Variants in INPP5A observed in about 807,000 individuals in gnomAD.
INPP5A encodes the protein 43 kDa inositol polyphosphate 5-phophatase.
A neutral mutation model predicts 65.2 loss-of-function variants in INPP5A; 14 were observed. The ratio of observed to expected loss-of-function variants is 0.21; its 90% CI spans 0.14 to 0.34. The LOEUF (loss-of-function observed/expected upper bound fraction) is 0.34. INPP5A is among the 10% of genes least tolerant of loss of function. The pLI is 1.00. For synonymous variants in INPP5A, 207 were observed against 208.3 expected (o/e 0.99, Z 0.05); for missense variants, 431 against 545.6 (o/e 0.79, Z 2.09).
At chr10:132,596,933 A>ATGTGTG (rs1564929008) in intron 1 of INPP5A, among the ~76,000 whole-genome samples, 18 of 6,792 alleles carry the variant, frequency 2.7e-3, no homozygotes, top group African/African-American at 3.7e-3. Flanking sequence ...GCGCATGTGC[A>ATGTGTG]CGCATGTGTG....
Position 132,718,809 on chromosome 10 carries a change from G to A in INPP5A, c.648-8012G>A, listed in dbSNP as rs1468421204. ...CGGTTCTGTCTGGGCACCTTAGACAGCTGTCTTGCGGGTTCTGTGGTACCT... is the reference window on the plus strand; with the variant it reads ...CGGTTCTGTCTGGGCACCTTAGACAACTGTCTTGCGGGTTCTGTGGTACCT... On this transcript the variant is annotated intron_variant, in intron 8 of 15. Transcript: ENST00000368594. Among the ~76,000 whole-genome samples the A allele has an allele frequency of 2.1e-5, 3 of 144,230 alleles. 1 individual carries two copies. The highest frequency in any genetic ancestry group is 2.3e-4 in the South Asian group (1 of 4,372). The allele number at this position is 144,230 out of a possible 152,430, so 94.6% of individuals were successfully genotyped here.
At chr10:132,645,412 C>T (rs369391246) in intron 2 of INPP5A, among the ~76,000 whole-genome samples, 11 of 152,210 alleles carry the variant, frequency 7.2e-5, no homozygotes, top group East Asian at 3.8e-4. Context: ...ACACATGCTC[C>T]GGCACACGCG....
chr10:132,774,293 G>T (rs1847006647), intron 12 of INPP5A, among the ~76,000 whole-genome samples: 1 of 152,176 alleles, frequency 6.6e-6, no homozygotes, highest in South Asian at 2.1e-4. Context: ...CTTGTGACGG[G>T]GGTGTGTCAG....
chr10:132,561,950 A>G (rs1238587046), intron 1 of INPP5A, among the ~76,000 whole-genome samples: 2 of 152,224 alleles, frequency 1.3e-5, no homozygotes, highest in Admixed American at 1.3e-4. Flanking sequence ...TCCCGGCAAG[A>G]TGATTTTAAA....
At chr10:132,576,300 C>T (rs1380196459) in intron 1 of INPP5A, among the ~76,000 whole-genome samples, 1 of 152,246 alleles carries the variant, frequency 6.6e-6, no homozygotes, top group Admixed American at 6.5e-5. Context: ...GCTCACAGCA[C>T]AGCTCCTGTC....
chr10:132,781,793 G>A (rs955904105), intron 14 of INPP5A, 68 bp from the exon 15 acceptor site: 9 of 1,311,656 alleles, frequency 6.9e-6, no homozygotes, highest in Admixed American at 5.0e-5. Flanking sequence ...GGTGCAACGG[G>A]AGGCGGCGGC....
At position 132,706,474 on chromosome 10, in the gene INPP5A, A is replaced by C. The variant is rs532750644; in HGVS notation, c.475-1839A>C. Among the ~76,000 whole-genome samples, 1 of 152,384 alleles carries C rather than the reference A, an allele frequency of 6.6e-6. No individual in the cohort carries two copies. The highest frequency in any genetic ancestry group is 2.4e-5 in the African/African-American group (1 of 41,592). ...CAAAGAGAAAAACTTTAAAACAGCCAGAGAGAGGAAAACATACATTCAGAG... is the reference window on the plus strand; with the variant it reads ...CAAAGAGAAAAACTTTAAAACAGCCCGAGAGAGGAAAACATACATTCAGAG... On this transcript the variant is annotated intron_variant, in intron 6 of 15. Transcript: ENST00000368594. The surrounding 1 kb of genome is among the most constrained non-coding windows in gnomAD (Gnocchi z 4.7).
intron 1 of INPP5A, among the ~76,000 whole-genome samples, chr10:132,544,286 T>A (rs1483094662): frequency 6.6e-6 from 1 of 152,146 alleles, no homozygotes; most frequent in African/African-American, 2.4e-5. Context: ...CAGAGCAGAG[T>A]GCCAGCTCTC....
chr10:132,558,693 T>C (rs936472495), intron 1 of INPP5A, among the ~76,000 whole-genome samples: 9 of 152,350 alleles, frequency 5.9e-5, no homozygotes, highest in Admixed American at 4.6e-4. Flanking sequence ...CTTGGCAGCA[T>C]TGGGCTCAGT....
At chr10:132,620,019 G>C (rs2072089698) in intron 2 of INPP5A, among the ~76,000 whole-genome samples, 1 of 152,188 alleles carries the variant, frequency 6.6e-6, no homozygotes, top group South Asian at 2.1e-4. Flanking sequence ...TGGCAGCCTG[G>C]GCTGTGTCTG....
chr10:132,691,057 C>T (rs1845251453), intron 5 of INPP5A, among the ~76,000 whole-genome samples: 1 of 152,320 alleles, frequency 6.6e-6, no homozygotes, highest in East Asian at 1.9e-4. Context: ...ACGCGGCCTC[C>T]GGAGCAGATG....
At position 132,783,121 on chromosome 10, in the gene INPP5A, T is replaced by C. The variant is rs1289383156; in HGVS notation, c.*1092T>C. On this transcript the variant is annotated 3_prime_UTR_variant, in exon 16 of 16. Transcript: ENST00000368594. ...ACAGACAACCCATGTCATAACCTTG[T>C]TGCAAATATTTTTCTCCTATAGCAG... 6.6e-6 allele frequency: 1 copy of C among 152,428 alleles called. No individual in the cohort carries two copies. Among genetic ancestry groups the C allele is most frequent in the African/African-American group, 2.4e-5 (1 of 41,448 alleles). The allele number at this position is 152,428 out of a possible 1,614,324, so 9.4% of individuals were successfully genotyped here.
Position 132,669,716 on chromosome 10 carries a change from G to A in INPP5A, c.306+19211G>A, listed in dbSNP as rs560267174. ...CCCCATGGGCAGAGAGGGCGGGCGC[G>A]GTTCGTGCTGGACTCTAGATGTGCA... is the stretch of plus-strand genomic sequence containing the variant. On this transcript the variant is annotated intron_variant, in intron 4 of 15. Transcript: ENST00000368594. Among the ~76,000 whole-genome samples, 7 of 152,312 alleles carry A rather than the reference G, an allele frequency of 4.6e-5. No individual in the cohort carries two copies. In the South Asian group the frequency reaches 8.3e-4, roughly 18 times the overall value.
chr10:132,750,418 G>A (rs372609230), intron 11 of INPP5A, among the ~76,000 whole-genome samples: 1 of 152,264 alleles, frequency 6.6e-6, no homozygotes, highest in African/African-American at 2.4e-5. Flanking sequence ...GTCGGTCCAC[G>A]GAGAGGTGGC....
Position 132,678,007 on chromosome 10 carries a change from T to C in INPP5A, c.307-12385T>C. 6.6e-6 allele frequency among the ~76,000 whole-genome samples: 1 copy of C among 152,208 alleles called. No homozygotes were observed. Among genetic ancestry groups the C allele is most frequent in the Non-Finnish European group, 1.5e-5 (1 of 68,034 alleles). ...GAACAGGAGGCAGAATGAGATTACG[T>C]GTGCATCTCTCCCGCCAGCAGCCAG... is the stretch of plus-strand genomic sequence containing the variant. On this transcript the variant is annotated intron_variant, in intron 4 of 15. Transcript: ENST00000368594. This position sits in a 1 kb window ranked among gnomAD's most constrained non-coding sequence, Gnocchi z 4.1.
chr10:132,596,117 C>A (rs1484178294), intron 1 of INPP5A, among the ~76,000 whole-genome samples: 1 of 152,102 alleles, frequency 6.6e-6, no homozygotes, highest in Non-Finnish European at 1.5e-5. Flanking sequence ...TTAAAAATAA[C>A]TACATTAACC....
At chr10:132,770,367 G>T (rs528509645) in intron 12 of INPP5A, among the ~76,000 whole-genome samples, 2 of 152,240 alleles carry the variant, frequency 1.3e-5, no homozygotes, top group Non-Finnish European at 2.9e-5. Flanking sequence ...CGCGGAGGCC[G>T]TGGTGCTGTG....
intron 2 of INPP5A, among the ~76,000 whole-genome samples, chr10:132,636,760 A>T (rs1203375389): frequency 6.6e-6 from 1 of 152,122 alleles, no homozygotes; most frequent in Non-Finnish European, 1.5e-5. Flanking sequence ...TGTTTTGTAT[A>T]GTTTTGGAAT....
At chr10:132,656,452 C>T (rs1285748097) in intron 4 of INPP5A, among the ~76,000 whole-genome samples, 1 of 152,238 alleles carries the variant, frequency 6.6e-6, no homozygotes, top group Non-Finnish European at 1.5e-5. Context: ...CCCCCGCCAG[C>T]TGTGCCTGCT....
Sources: allele counts gnomAD v4.1 joint callset (sites outside exome capture counted in the v4.1 genomes callset), GRCh38; gene constraint gnomAD v4.1.1; non-coding constraint Gnocchi (gnomAD v3.1); transcripts MANE v1.5; gene names NCBI Gene and HGNC (gene_info 2026-07-23, HGNC 2026-07-21).